The following ANKS1B variants were observed in gnomAD, a reference collection of about 807,000 sequenced individuals.
The protein encoded by ANKS1B is ankyrin repeat and sterile alpha motif domain containing 1B.
ANKS1B carries 36 observed loss-of-function variants against 148.3 expected under a neutral mutation model. The ratio of observed to expected loss-of-function variants is 0.24; its 90% CI spans 0.19 to 0.32. The LOEUF is 0.32. Ranked by LOEUF, ANKS1B falls within the 10% of genes least tolerant of loss-of-function variation. ANKS1B has a pLI of 1.00. For synonymous variants in ANKS1B, 542 were observed against 560.8 expected, an observed-to-expected ratio of 0.97 and a Z score of 0.47; for missense variants, 1,157 against 1,542.6, an observed-to-expected ratio of 0.75 and a Z score of 4.19.
chr12:99,621,452 G>A (rs576285997), intron 9 of ANKS1B, among the ~76,000 whole-genome samples: 28 of 144,190 alleles, frequency 1.9e-4, no homozygotes, highest in Admixed American at 4.1e-4. Context: ...ATCACAGAGA[G>A]GCAAATTGGA....
intron 17 of ANKS1B, among the ~76,000 whole-genome samples, chr12:98,991,803 C>T (rs1021080014): frequency 3.9e-5 from 6 of 152,166 alleles, no homozygotes; most frequent in Admixed American, 3.9e-4. Context: ...AGCGCTTAAA[C>T]TCAAACACTC....
chr12:99,050,059 T>C (rs1052064637), intron 17 of ANKS1B, among the ~76,000 whole-genome samples: 4 of 152,222 alleles, frequency 2.6e-5, no homozygotes, highest in African/African-American at 9.6e-5. Context: ...GGCTTTGCTC[T>C]AAATCAAGGT....
chr12:99,630,219 A>G (rs2098144097), intron 9 of ANKS1B, among the ~76,000 whole-genome samples: 1 of 152,136 alleles, frequency 6.6e-6, no homozygotes, highest in South Asian at 2.1e-4. Context: ...TTCAAATCAG[A>G]ATAAGCTACA....
rs2082813456 is a variant in ANKS1B at position 99,823,784 on chromosome 12, C to G, written c.215+1525G>C. 2.0e-5 allele frequency among the ~76,000 whole-genome samples: 3 copies of G among 152,206 alleles called. No individual in the cohort carries two copies. In the South Asian group the frequency reaches 6.2e-4, roughly 31 times the overall value. On this transcript the variant is annotated intron_variant, in intron 2 of 26. Transcript: ENST00000683438. ...TTTGTATATGGTGAAAGGTTAAGGT[C>G]CAGTTCCAGTCTTCTGCATATGGTT...
chr12:99,017,893 A>G (rs1014484210), intron 17 of ANKS1B, among the ~76,000 whole-genome samples: 5 of 152,132 alleles, frequency 3.3e-5, no homozygotes, highest in Admixed American at 1.3e-4. Flanking sequence ...AACTAGTCTC[A>G]CTAGTATGTA....
chr12:99,070,473 T>C (rs1386451753), intron 16 of ANKS1B, among the ~76,000 whole-genome samples: 1 of 152,138 alleles, frequency 6.6e-6, no homozygotes, highest in Non-Finnish European at 1.5e-5. Flanking sequence ...AAGGACAAAG[T>C]GATGAATGAA....
chr12:99,115,522 A>G (rs965857475), intron 15 of ANKS1B, among the ~76,000 whole-genome samples: 1 of 152,170 alleles, frequency 6.6e-6, no homozygotes, highest in African/African-American at 2.4e-5. Flanking sequence ...ATTGGGTACT[A>G]GGCTTAGTAC....
chr12:99,913,545 G>A (rs1282267751), intron 1 of ANKS1B, among the ~76,000 whole-genome samples: 2 of 152,028 alleles, frequency 1.3e-5, no homozygotes, highest in African/African-American at 4.8e-5. Context: ...AGTAAAATAG[G>A]TTGCAAATAA....
intron 10 of ANKS1B, among the ~76,000 whole-genome samples, chr12:99,457,813 G>A (rs987419646): frequency 2.0e-4 from 30 of 152,126 alleles, no homozygotes; most frequent in African/African-American, 5.3e-4. Context: ...GAGATGGACA[G>A]CAACACAATA....
chr12:98,829,093 T>C lies in ANKS1B; in HGVS notation c.3066+81A>G. On this transcript the variant is annotated intron_variant, in intron 19 of 26. Coordinates refer to ENST00000683438, the MANE Select transcript of ANKS1B (RefSeq NM_001352186.2). The surrounding 1 kb of genome is among the most constrained non-coding windows in gnomAD (Gnocchi z 5.2). ...TCTAGTTAGGCACGGACAATAAGCA[T>C]CCATAGGAAGCTACTGTTCACTATT... 9 of 1,502,034 alleles carry C rather than the reference T, an allele frequency of 6.0e-6. No homozygotes were observed. Among genetic ancestry groups the C allele is most frequent in the Non-Finnish European group, 8.3e-6 (9 of 1,087,008 alleles). 93.0% of individuals were successfully genotyped at this position (1,502,034 alleles called of 1,614,324 possible).
In ANKS1B at chr12:99,345,935, G is replaced by A. The variant is rs567557331; in HGVS notation, c.1756+53696C>T. ...CTTGCTTTTAAATTACTTTGCACCT[G>A]TCCTAATCATACCTGAAGGTGGCAA... On this transcript the variant is annotated intron_variant, in intron 12 of 26. Coordinates refer to ENST00000683438, the MANE Select transcript of ANKS1B (RefSeq NM_001352186.2). 2.0e-5 allele frequency among the ~76,000 whole-genome samples: 3 copies of A among 152,078 alleles called. No homozygotes were observed. The South Asian group carries it at 6.2e-4, about 32-fold the overall frequency.
chr12:98,846,019 T>TACAC (rs201465756), intron 17 of ANKS1B, among the ~76,000 whole-genome samples: 11 of 86,432 alleles, frequency 1.3e-4, no homozygotes, highest in South Asian at 6.8e-4. Context: ...TATGTACACA[T>TACAC]ACACACATAT....
At chr12:99,509,977 C>T (rs1020879567) in intron 9 of ANKS1B, among the ~76,000 whole-genome samples, 1 of 152,018 alleles carries the variant, frequency 6.6e-6, no homozygotes, top group Non-Finnish European at 1.5e-5. Flanking sequence ...TCAACTTTTC[C>T]TATGCTCTAT....
chr12:99,189,646 C>T (rs1330941660), intron 14 of ANKS1B, among the ~76,000 whole-genome samples: 7 of 152,150 alleles, frequency 4.6e-5, no homozygotes, highest in Non-Finnish European at 7.3e-5. Flanking sequence ...TTCAACAGCC[C>T]TTCATCTAAA....
chr12:99,045,824 C>A (rs112928891), intron 17 of ANKS1B, among the ~76,000 whole-genome samples: 5 of 152,052 alleles, frequency 3.3e-5, no homozygotes, highest in Admixed American at 6.5e-5. Context: ...AATTTCTAGG[C>A]CATGCAGCAG....
chr12:99,827,428 A>C (rs886451112), intron 1 of ANKS1B, among the ~76,000 whole-genome samples: 2 of 152,170 alleles, frequency 1.3e-5, no homozygotes, highest in African/African-American at 4.8e-5. Context: ...CAAAGTAGCA[A>C]ATATGTAGGA....
At chr12:99,165,451 G>A (rs2077101948) in intron 14 of ANKS1B, among the ~76,000 whole-genome samples, 1 of 151,804 alleles carries the variant, frequency 6.6e-6, no homozygotes, top group Non-Finnish European at 1.5e-5. Context: ...CAGCAAAAGA[G>A]TTTTTATGGA....
At chr12:99,067,706 T>G (rs1382770221) in intron 16 of ANKS1B, among the ~76,000 whole-genome samples, 1 of 152,198 alleles carries the variant, frequency 6.6e-6, no homozygotes, top group Non-Finnish European at 1.5e-5. Flanking sequence ...GTTATCCTAT[T>G]TTGAAGCCCT....
intron 9 of ANKS1B, among the ~76,000 whole-genome samples, chr12:99,529,480 C>T (rs564971754): frequency 3.7e-4 from 57 of 152,186 alleles, no homozygotes; most frequent in African/African-American, 1.4e-3. Flanking sequence ...TGGTGAAATG[C>T]TGTCTCTACT....
Sources: allele counts gnomAD v4.1 joint callset (sites outside exome capture counted in the v4.1 genomes callset), GRCh38; gene constraint gnomAD v4.1.1; non-coding constraint Gnocchi (gnomAD v3.1); transcripts MANE v1.5; gene names NCBI Gene and HGNC (gene_info 2026-07-23, HGNC 2026-07-21).